OSGEP: variants seen among roughly 807,000 people sequenced by gnomAD.
OSGEP encodes tRNA N6-adenosine threonylcarbamoyltransferase.
Under a neutral mutation model 44.1 loss-of-function variants are expected in OSGEP, and 39 were observed. The observed-to-expected ratio is 0.88, with a 90% confidence interval of 0.69 to 1.16. The LOEUF is 1.16. Among genes scored for constraint, OSGEP ranks in the 50% most tolerant of loss-of-function variants. The probability of loss-of-function intolerance (pLI) is 0.00; values close to 1 mark genes in which losing one functional copy is unlikely to be tolerated. For missense variants in OSGEP, 403 were observed against 443.1 expected (o/e 0.91, Z 0.81); for synonymous variants, 139 against 161.9 (o/e 0.86, Z 1.07).
intron 6 of OSGEP, 52 bp downstream of exon 6, chr14:20,448,681 T>G: frequency 1.6e-6 from 2 of 1,237,260 alleles, no homozygotes; most frequent in Non-Finnish European, 2.4e-6. Flanking sequence ...AAAACAGATA[T>G]GCTTCATTTA....
chr14:20,449,488 G>T, intron 3 of OSGEP: 1 of 513,276 alleles, frequency 1.9e-6, no homozygotes, highest in Non-Finnish European at 3.5e-6. Context: ...AGACAGTGTA[G>T]GTTCAGGCAG....
At position 20,447,946 on chromosome 14, in the gene OSGEP, G is replaced by A. The variant is rs746911970; in HGVS notation, c.751C>T (p.His251Tyr). 5 of 1,613,950 alleles carry A rather than the reference G, an allele frequency of 3.1e-6. No individual in the cohort carries two copies. The highest frequency in any genetic ancestry group is 3.3e-5 in the Admixed American group (2 of 60,018). ...LVEITERAMA[H>Y]CGSQEALIVG... Reference sequence around the variant, plus strand: ...ATGAGGGCCTCCTGGGAGCCACAATGTGCCATGGCTCGCTCTGTGATCTCT... The same window carrying A: ...ATGAGGGCCTCCTGGGAGCCACAATATGCCATGGCTCGCTCTGTGATCTCT... Residue 251 changes from histidine (H) to tyrosine (Y), a missense_variant, in exon 8 of 11, where the codon CAT (histidine) becomes TAT (tyrosine). His to Tyr is a moderately conservative substitution (Grantham distance 83, BLOSUM62 2). Transcript: ENST00000206542.
chr14:20,448,102 T>C lies in OSGEP; in HGVS notation c.702+4A>G. 6.2e-7 allele frequency: 1 copy of C among 1,611,792 alleles called. No homozygotes were observed. The highest frequency in any genetic ancestry group is 8.5e-7 in the Non-Finnish European group (1 of 1,177,776). On this transcript the variant is annotated splice_donor_region_variant and intron_variant, in intron 7 of 10. Coordinates refer to ENST00000206542, the MANE Select transcript of OSGEP (RefSeq NM_017807.4). ...CTTTCTGTCCCAGTTTTTTACTGCA[T>C]TACCTGCAGGGAGAAACACAGATCC...
chr14:20,452,482 A>C lies in OSGEP; in HGVS notation c.116-34T>G, dbSNP rs372516753. 2.5e-5 allele frequency: 40 copies of C among 1,609,670 alleles called. No individual in the cohort carries two copies. In the Middle Eastern group the frequency reaches 6.6e-4, roughly 27 times the overall value. ...TGAACATAGGTCAGAGATCACAGGGATTTTCTGTAGCAAAGGTAGGTAGGA... is the reference window on the plus strand; with the variant it reads ...TGAACATAGGTCAGAGATCACAGGGCTTTTCTGTAGCAAAGGTAGGTAGGA... On this transcript the variant is annotated intron_variant, in intron 1 of 10. Transcript: ENST00000206542.
chr14:20,451,375 C>T lies in OSGEP; in HGVS notation c.411+599G>A, dbSNP rs187109372. The stretch of plus-strand genomic sequence containing the variant: ...AGGCTGGAATGCAATGGTGCGATCT[C>T]GGTTCACCGCAACTTCCGCCTCCTG... On this transcript the variant is annotated intron_variant, in intron 3 of 10. Coordinates refer to ENST00000206542, the MANE Select transcript of OSGEP (RefSeq NM_017807.4). The T allele has an allele frequency of 7.2e-4, 172 of 240,362 alleles. 1 individual carries two copies. The highest frequency in any genetic ancestry group is 1.3e-3 in the Non-Finnish European group (158 of 118,088). 14.9% of individuals were successfully genotyped at this position (240,362 alleles called of 1,614,324 possible).
chr14:20,454,192 G>A (rs36219439), intron 1 of OSGEP, among the ~76,000 whole-genome samples: 1,718 of 152,110 alleles, frequency 0.011, 11 homozygotes, highest in Non-Finnish European at 0.019. Flanking sequence ...TAAAAAGGGA[G>A]TGTATATTCA....
At position 20,447,990 on chromosome 14, in the gene OSGEP, G is replaced by A. The variant is rs756974177; in HGVS notation, c.707C>T (p.Thr236Ile). ...PEDLCFSLQE[T>I]VFAMLVEITE... ...GATCTCTACCAGCATTGCAAACACAGTTTCCTGTCAGGGACAGATAAGGAG... is the reference window on the plus strand; with the variant it reads ...GATCTCTACCAGCATTGCAAACACAATTTCCTGTCAGGGACAGATAAGGAG... The change falls in exon 8 of 11, where the codon ACT becomes ATT. Residue 236 changes from threonine to isoleucine, a missense_variant. Transcript: ENST00000206542. The A allele has an allele frequency of 1.9e-6, 3 of 1,613,440 alleles. No individual in the cohort carries two copies. Among genetic ancestry groups the A allele is most frequent in the Admixed American group, 1.7e-5 (1 of 60,006 alleles).
rs1881211751 is a variant in OSGEP at position 20,454,547 on chromosome 14, C to G, written c.115+22G>C. On this transcript the variant is annotated intron_variant, in intron 1 of 10. Coordinates refer to ENST00000206542, the MANE Select transcript of OSGEP (RefSeq NM_017807.4). ...TGTGCGGGGAAGTGCGCGGAAAACTCTTAAGTCCCCTACTCACCAACCTGT... is the reference window on the plus strand; with the variant it reads ...TGTGCGGGGAAGTGCGCGGAAAACTGTTAAGTCCCCTACTCACCAACCTGT... The G allele has an allele frequency of 7.1e-6, 11 of 1,547,564 alleles. No homozygotes were observed. In the South Asian group the frequency reaches 1.1e-4, roughly 16 times the overall value.
At chr14:20,449,295 C>T in intron 3 of OSGEP, 29 bp from the exon 4 acceptor site, 1 of 1,320,320 alleles carries the variant, frequency 7.6e-7, no homozygotes, top group Middle Eastern at 1.8e-4. Context: ...TCCATGAAAC[C>T]CCAAGTCTGT....
In OSGEP at chr14:20,447,670, T is replaced by C. The variant is rs780308520; in HGVS notation, c.814A>G (p.Met272Val). Reference sequence around the variant, plus strand: ...CGTTCCTGGCACATTGTTGCCATCATCTCCTGTAGCCTCACATTACCTACA... The same window carrying C: ...CGTTCCTGGCACATTGTTGCCATCACCTCCTGTAGCCTCACATTACCTACA... ...GVGCNVRLQE[M>V]MATMCQERGA... The change falls in exon 9 of 11, where the codon ATG becomes GTG. Residue 272 changes from methionine (M) to valine (V), a missense_variant. By Grantham distance (21) the Met-to-Val change is conservative. Coordinates refer to ENST00000206542, the MANE Select transcript of OSGEP (RefSeq NM_017807.4). 6.2e-7 allele frequency: 1 copy of C among 1,613,896 alleles called. No individual in the cohort carries two copies. Among genetic ancestry groups the C allele is most frequent in the Non-Finnish European group, 8.5e-7 (1 of 1,179,790 alleles).
In OSGEP at chr14:20,448,123, G is replaced by A. The variant is rs540922409; in HGVS notation, c.685C>T (p.Leu229=). The stretch of plus-strand genomic sequence containing the variant: ...TGCATTACCTGCAGGGAGAAACACA[G>A]ATCCTCAGGAGTACACTCGCCTGTG... ...LATGECTPED[L]CFSLQETVFA... is the part of the protein sequence containing the mutation. Residue 229 remains leucine (L), a synonymous_variant, in exon 7 of 11, where the codon CTG becomes TTG. Coordinates refer to ENST00000206542, the MANE Select transcript of OSGEP (RefSeq NM_017807.4). 1.2e-6 allele frequency: 2 copies of A among 1,613,456 alleles called. No homozygotes were observed. The highest frequency in any genetic ancestry group is 1.3e-5 in the African/African-American group (1 of 75,040).
At chr14:20,454,043 T>TA (rs1231367934) in intron 1 of OSGEP, among the ~76,000 whole-genome samples, 2 of 152,008 alleles carry the variant, frequency 1.3e-5, no homozygotes, top group Non-Finnish European at 2.9e-5. Context: ...AAATAAAAAA[T>TA]AAAGACCAAA....
In OSGEP at chr14:20,448,795, C is replaced by T. The variant is rs920415662; in HGVS notation, c.574G>A (p.Glu192Lys). 1 of 1,613,132 alleles carries T rather than the reference C, an allele frequency of 6.2e-7. No homozygotes were observed. Among genetic ancestry groups the T allele is most frequent in the South Asian group, 1.1e-5 (1 of 91,054 alleles). ...ATCCCCTTTACAGTGTATGGCAGCT[C>T]AACTAGCTTCTTGCCTCTATGTGGG... ...QMAKRGKKLV[E>K]LPYTVKGMDV... is the part of the protein sequence containing the mutation. Residue 192 changes from glutamate (E) to lysine (K), a missense_variant, in exon 6 of 11, where the codon GAG (glutamate) becomes AAG (lysine). Physicochemically the swap from Glu to Lys is moderately conservative, Grantham distance 56 (BLOSUM62 1). Coordinates refer to ENST00000206542, the MANE Select transcript of OSGEP (RefSeq NM_017807.4).
chr14:20,454,574 C>A lies in OSGEP; in HGVS notation c.110G>T (p.Gly37Val), dbSNP rs1224137726. The A allele has an allele frequency of 6.2e-7, 1 of 1,610,806 alleles. No homozygotes were observed. Among genetic ancestry groups the A allele is most frequent in the South Asian group, 1.1e-5 (1 of 91,014 alleles). The change falls in exon 1 of 11, where the codon GGC (glycine) becomes GTC (valine). Residue 37 changes from glycine to valine, a missense_variant. Physicochemically the swap from Gly to Val is moderately radical, Grantham distance 109. Coordinates refer to ENST00000206542, the MANE Select transcript of OSGEP (RefSeq NM_017807.4). Reference protein sequence around the residue: ...NPRRTYVTPPGTGFLPGDTAR... With the variant: ...NPRRTYVTPPVTGFLPGDTAR... ...TAAGTCCCCTACTCACCAACCTGTG[C>A]CAGGAGGCGTGACGTAAGTCCGCCG...
At position 20,454,695 on chromosome 14, in the gene OSGEP, G is replaced by A; in HGVS notation, c.-12C>T. On this transcript the variant is annotated 5_prime_UTR_variant, in exon 1 of 11. Coordinates refer to ENST00000206542, the MANE Select transcript of OSGEP (RefSeq NM_017807.4). ...AGCACCGCCGGCATGGCGGAGGCTG[G>A]GAGAAAACGCCGACAGGACTCCTGG... The A allele has an allele frequency of 6.3e-7, 1 of 1,597,098 alleles. No individual in the cohort carries two copies. The highest frequency in any genetic ancestry group is 8.6e-7 in the Non-Finnish European group (1 of 1,165,402).
Position 20,454,577 on chromosome 14 carries a change from G to C in OSGEP, c.107C>G (p.Pro36Arg). The part of the protein sequence containing the change: ...ANPRRTYVTP[P>R]GTGFLPGDTA... ...GTCCCCTACTCACCAACCTGTGCCA[G>C]GAGGCGTGACGTAAGTCCGCCGCGG... The change falls in exon 1 of 11, where the codon CCT (proline) becomes CGT (arginine). Residue 36 changes from proline (P) to arginine (R), a missense_variant. Physicochemically the swap from Pro to Arg is moderately radical, Grantham distance 103. Coordinates refer to ENST00000206542, the MANE Select transcript of OSGEP (RefSeq NM_017807.4). The C allele has an allele frequency of 6.2e-7, 1 of 1,611,762 alleles. No individual in the cohort carries two copies. Among genetic ancestry groups the C allele is most frequent in the Non-Finnish European group, 8.5e-7 (1 of 1,177,776 alleles).
At chr14:20,454,539 G>A (rs1363757462) in intron 1 of OSGEP, 30 bp downstream of exon 1, 1 of 1,460,440 alleles carries the variant, frequency 6.8e-7, no homozygotes, top group Non-Finnish European at 9.6e-7. Context: ...GGAAGTGCGC[G>A]GAAAACTCTT....
intron 5 of OSGEP, 61 bp downstream of exon 5, chr14:20,448,903 G>T (rs151018807): frequency 1.9e-5 from 30 of 1,589,614 alleles, no homozygotes; most frequent in Non-Finnish European, 2.6e-5. Context: ...AATATATACC[G>T]TATATGGGGA....
At position 20,447,222 on chromosome 14, in the gene OSGEP, C is replaced by T; in HGVS notation, c.*18G>A. The T allele has an allele frequency of 6.2e-7, 1 of 1,610,888 alleles. No homozygotes were observed. The highest frequency in any genetic ancestry group is 8.5e-7 in the Non-Finnish European group (1 of 1,177,010). On this transcript the variant is annotated 3_prime_UTR_variant, in exon 11 of 11. Coordinates refer to ENST00000206542, the MANE Select transcript of OSGEP (RefSeq NM_017807.4). The stretch of plus-strand genomic sequence containing the variant: ...GGTTCCGATTAAGGAACTATCTACT[C>T]TGATTCTGTTGATCTTATTAGTCCC...
Sources: gnomAD v4.1 joint callset for allele counts (sites outside exome capture counted in the v4.1 genomes callset) on GRCh38, gnomAD v4.1.1 for gene constraint, MANE v1.5 for transcripts, NCBI Gene and HGNC (gene_info 2026-07-23, HGNC 2026-07-21) for gene names.